The following REC114 variants were observed in gnomAD, a reference collection of about 807,000 sequenced individuals.
REC114 encodes the protein REC114 meiotic recombination protein, also known as meiotic recombination protein REC114.
A neutral mutation model predicts 31.3 loss-of-function variants in REC114; 27 were observed. That is an observed-to-expected ratio of 0.86 (90% CI 0.64 to 1.19). The LOEUF is 1.19. Among genes scored for constraint, REC114 ranks in the 50% most tolerant of loss-of-function variants. The probability of loss-of-function intolerance (pLI) is 0.00; values close to 1 mark genes in which losing one functional copy is unlikely to be tolerated. For synonymous variants in REC114, 134 were observed against 127.7 expected (o/e 1.05, Z -0.33); for missense variants, 344 against 326.9 (o/e 1.05, Z -0.40).
chr15:73,554,503 AT>A (rs1259475432), intron 4 of REC114, among the ~76,000 whole-genome samples: 5 of 152,200 alleles, frequency 3.3e-5, no homozygotes, highest in African/African-American at 1.2e-4. Context: ...TTACTGGCTC[AT>A]ATTTTAGTTT....
intron 4 of REC114, among the ~76,000 whole-genome samples, chr15:73,553,171 T>G (rs1894415585): frequency 6.6e-6 from 1 of 152,202 alleles, no homozygotes; most frequent in South Asian, 2.1e-4. Context: ...ATTTTCATTA[T>G]TTATTATACA....
intron 2 of REC114, among the ~76,000 whole-genome samples, chr15:73,539,241 A>G (rs1894205322): frequency 1.3e-5 from 2 of 151,250 alleles, no homozygotes; most frequent in South Asian, 4.2e-4. Context: ...TTGGAAAAAA[A>G]ACCTATTGAT....
Position 73,455,626 on chromosome 15 carries a change from A to G in REC114, c.159+12282A>G, listed in dbSNP as rs945303031. On this transcript the variant is annotated intron_variant, in intron 1 of 5. Transcript: ENST00000331090. Reference sequence around the variant, plus strand: ...ATGTATAAAATATCTAATATATTTTATAGAATAATATGCTTCATTATGTAT... The same window carrying G: ...ATGTATAAAATATCTAATATATTTTGTAGAATAATATGCTTCATTATGTAT... 2.0e-5 allele frequency among the ~76,000 whole-genome samples: 3 copies of G among 152,224 alleles called. No individual in the cohort carries two copies. The South Asian group carries it at 6.2e-4, about 32-fold the overall frequency.
chr15:73,468,513 A>G (rs1179735044), intron 1 of REC114, among the ~76,000 whole-genome samples: 1 of 152,148 alleles, frequency 6.6e-6, no homozygotes, highest in East Asian at 1.9e-4. Flanking sequence ...CTGTGAATAA[A>G]GACAGTTTTA....
At chr15:73,542,928 A>T (rs1336683207) in intron 3 of REC114, among the ~76,000 whole-genome samples, 1 of 149,812 alleles carries the variant, frequency 6.7e-6, no homozygotes, top group Non-Finnish European at 1.5e-5. Flanking sequence ...CTTGAGATAG[A>T]AGTCCTAGAA....
chr15:73,557,175 T>C (rs1230451822), intron 5 of REC114, among the ~76,000 whole-genome samples: 1 of 151,620 alleles, frequency 6.6e-6, no homozygotes, highest in African/African-American at 2.4e-5. Context: ...GTTCAAGTGA[T>C]TTTCCTGCCT....
intron 2 of REC114, among the ~76,000 whole-genome samples, chr15:73,522,129 C>T (rs1893944633): frequency 6.6e-6 from 1 of 152,088 alleles, no homozygotes; most frequent in Non-Finnish European, 1.5e-5. Flanking sequence ...TCTGCCTGTC[C>T]TCCAGCCTCC....
intron 2 of REC114, among the ~76,000 whole-genome samples, chr15:73,517,318 CAAAG>C (rs1470222373): frequency 3.3e-5 from 5 of 151,752 alleles, no homozygotes; most frequent in South Asian, 2.1e-4. Context: ...ATCTCTCAAA[CAAAG>C]AAAAAAAATT....
At chr15:73,471,322 G>A (rs113532422) in intron 1 of REC114, among the ~76,000 whole-genome samples, 5,428 of 152,280 alleles carry the variant, frequency 0.036, 147 homozygotes, top group Non-Finnish European at 0.055. Context: ...GAGAAAAGGA[G>A]TCAAGAATGA....
intron 2 of REC114, among the ~76,000 whole-genome samples, chr15:73,507,742 G>A (rs1878587529): frequency 6.6e-6 from 1 of 152,116 alleles, no homozygotes; most frequent in African/African-American, 2.4e-5. Context: ...AGCACAGAAT[G>A]ACAAATTTTT....
In REC114 at chr15:73,532,817, A is replaced by C. The variant is rs1306380948; in HGVS notation, c.250-7668A>C. Among the ~76,000 whole-genome samples the C allele has an allele frequency of 1.3e-4, 20 of 152,164 alleles. No homozygotes were observed. The South Asian group carries it at 2.3e-3, about 17-fold the overall frequency. ...TCGGGTTACCCTCAAAGGGAAGCCC[A>C]TCAGACTAACAGCGGATCTCTCGGC... is the stretch of plus-strand genomic sequence containing the variant. On this transcript the variant is annotated intron_variant, in intron 2 of 5. Coordinates refer to ENST00000331090, the MANE Select transcript of REC114 (RefSeq NM_001042367.2).
intron 2 of REC114, among the ~76,000 whole-genome samples, chr15:73,536,855 C>T (rs1894163049): frequency 6.6e-6 from 1 of 152,146 alleles, no homozygotes; most frequent in Non-Finnish European, 1.5e-5. Context: ...ATGAAATAGT[C>T]TAATTAATTT....
At chr15:73,515,466 G>T (rs567533360) in intron 2 of REC114, among the ~76,000 whole-genome samples, 3 of 152,248 alleles carry the variant, frequency 2.0e-5, no homozygotes, top group African/African-American at 7.2e-5. Context: ...GACAACTCTT[G>T]TGGGCTTTTA....
At chr15:73,547,701 C>T (rs1894329184) in intron 3 of REC114, among the ~76,000 whole-genome samples, 1 of 152,128 alleles carries the variant, frequency 6.6e-6, no homozygotes, top group Non-Finnish European at 1.5e-5. Flanking sequence ...CAATGGAGTA[C>T]TATTCAGCCA....
intron 2 of REC114, among the ~76,000 whole-genome samples, chr15:73,507,326 C>G (rs1893693089): frequency 6.6e-6 from 1 of 152,150 alleles, no homozygotes; most frequent in African/African-American, 2.4e-5. Context: ...TGAAAGCAGC[C>G]TAACACAAAT....
At chr15:73,540,961 A>T (rs1378137443) in intron 3 of REC114, among the ~76,000 whole-genome samples, 1 of 152,198 alleles carries the variant, frequency 6.6e-6, no homozygotes, top group Non-Finnish European at 1.5e-5. Flanking sequence ...TTTCCCTTTT[A>T]CTTGCTTTCT....
intron 1 of REC114, among the ~76,000 whole-genome samples, chr15:73,464,009 C>T (rs998759493): frequency 3.9e-5 from 6 of 152,120 alleles, no homozygotes; most frequent in African/African-American, 1.4e-4. Flanking sequence ...AGTCTCACTT[C>T]TTTCTGCAGT....
intron 2 of REC114, among the ~76,000 whole-genome samples, chr15:73,499,984 C>T (rs1374863143): frequency 6.6e-6 from 1 of 152,144 alleles, no homozygotes; most frequent in African/African-American, 2.4e-5. Context: ...AAACCCCATG[C>T]ATCCATCACC....
At chr15:73,516,705 G>T (rs754519172) in intron 2 of REC114, among the ~76,000 whole-genome samples, 1 of 152,106 alleles carries the variant, frequency 6.6e-6, no homozygotes. Context: ...TCGGCTCCCT[G>T]CAACCTCTGC....
Sources: gnomAD v4.1 joint callset for allele counts (sites outside exome capture counted in the v4.1 genomes callset) on GRCh38, gnomAD v4.1.1 for gene constraint, MANE v1.5 for transcripts, NCBI Gene and HGNC (gene_info 2026-07-23, HGNC 2026-07-21) for gene names.